The following LPIN1 variants were observed in gnomAD, a reference collection of about 807,000 sequenced individuals.
The protein encoded by LPIN1 is phosphatidate phosphatase LPIN1.
LPIN1 carries 71 observed loss-of-function variants against 107.5 expected under a neutral mutation model. The observed-to-expected ratio is 0.66, with a 90% CI of 0.55 to 0.80. LPIN1 has a LOEUF of 0.80. LPIN1 is among the 30% of genes least tolerant of loss of function. The pLI is 0.00. For missense variants in LPIN1, 1,043 were observed against 1,160.6 expected, an observed-to-expected ratio of 0.90 and a Z score of 1.47; for synonymous variants, 445 against 452.6, an observed-to-expected ratio of 0.98 and a Z score of 0.21.
chr2:11,713,089 T>C (rs566260166), intron 1 of LPIN1, among the ~76,000 whole-genome samples: 1 of 152,354 alleles, frequency 6.6e-6, no homozygotes, highest in East Asian at 1.9e-4. Context: ...AGTCATGTCT[T>C]CTGCCTTCCA....
chr2:11,719,070 CTAAT>C (rs1420598301), intron 2 of LPIN1, among the ~76,000 whole-genome samples: 1 of 152,004 alleles, frequency 6.6e-6, no homozygotes, highest in Admixed American at 6.5e-5. Context: ...TTTTTGTTCT[CTAAT>C]TATTTCTTCT....
chr2:11,821,854 G>A (rs1453640684), intron 20 of LPIN1, among the ~76,000 whole-genome samples: 1 of 152,200 alleles, frequency 6.6e-6, no homozygotes, highest in Admixed American at 6.5e-5. Flanking sequence ...AGGGGAGGCT[G>A]GAGCCAAGGC....
At chr2:11,686,364 TG>T (rs1197131042) in intron 1 of LPIN1, among the ~76,000 whole-genome samples, 1 of 152,092 alleles carries the variant, frequency 6.6e-6, no homozygotes, top group Non-Finnish European at 1.5e-5. Context: ...AACCAGAAAG[TG>T]GGTGGGCCCA....
intron 1 of LPIN1, among the ~76,000 whole-genome samples, chr2:11,739,646 G>A (rs997286296): frequency 6.6e-6 from 1 of 152,148 alleles, no homozygotes; most frequent in African/African-American, 2.4e-5. Flanking sequence ...TCAGAACAAA[G>A]CACAACACTG....
chr2:11,696,434 A>G (rs968124162), intron 1 of LPIN1, among the ~76,000 whole-genome samples: 1 of 152,106 alleles, frequency 6.6e-6, no homozygotes, highest in Non-Finnish European at 1.5e-5. Context: ...GATATGATGT[A>G]TATATATTCA....
intron 1 of LPIN1, among the ~76,000 whole-genome samples, chr2:11,689,670 G>T (rs886969541): frequency 6.6e-6 from 1 of 152,204 alleles, no homozygotes; most frequent in African/African-American, 2.4e-5. Context: ...ACTTTGGGCC[G>T]AGGCAGGCAG....
intron 1 of LPIN1, among the ~76,000 whole-genome samples, chr2:11,680,530 C>T (rs1661658349): frequency 6.6e-6 from 1 of 151,964 alleles, no homozygotes; most frequent in Non-Finnish European, 1.5e-5. Context: ...CCACAGAGTT[C>T]ACAGGGCACA....
intron 1 of LPIN1, among the ~76,000 whole-genome samples, chr2:11,693,781 T>A (rs1421003082): frequency 2.6e-5 from 3 of 116,430 alleles, no homozygotes; most frequent in Non-Finnish European, 5.2e-5. Flanking sequence ...TGTGTGTGTG[T>A]GAGTGTGTAT....
chr2:11,742,475 A>C (rs1666471123), upstream of LPIN1, among the ~76,000 whole-genome samples: 1 of 152,142 alleles, frequency 6.6e-6, no homozygotes, highest in Non-Finnish European at 1.5e-5. Context: ...TGACAGCCCC[A>C]CACTTGTTTA....
chr2:11,695,460 T>C (rs1572332692), intron 1 of LPIN1, among the ~76,000 whole-genome samples: 1 of 151,378 alleles, frequency 6.6e-6, no homozygotes, highest in African/African-American at 2.4e-5. Flanking sequence ...GGCCCTAAGG[T>C]GGAGTATTTG....
At chr2:11,689,718 A>G (rs994799486) in intron 1 of LPIN1, among the ~76,000 whole-genome samples, 2 of 152,338 alleles carry the variant, frequency 1.3e-5, no homozygotes, top group African/African-American at 4.8e-5. Flanking sequence ...AGCCTGGCCA[A>G]CATGGCGAAA....
intron 11 of LPIN1, 43 bp from the exon 12 acceptor site, chr2:11,788,344 T>G: frequency 6.7e-7 from 1 of 1,493,046 alleles, no homozygotes; most frequent in Non-Finnish European, 9.3e-7. Context: ...GTTTTCAGTC[T>G]GAGCCTCGGT....
intron 20 of LPIN1, among the ~76,000 whole-genome samples, chr2:11,823,328 G>A (rs1431149345): frequency 6.6e-6 from 1 of 152,166 alleles, no homozygotes; most frequent in African/African-American, 2.4e-5. Context: ...TGCAGGGAGG[G>A]GCCCTGCTGC....
At chr2:11,728,717 CTCTTTTT>C (rs1664906320) in intron 1 of LPIN1, among the ~76,000 whole-genome samples, 1 of 151,714 alleles carries the variant, frequency 6.6e-6, no homozygotes, top group African/African-American at 2.4e-5. Flanking sequence ...TGTTTTTTTT[CTCTTTTT>C]TTCCCTTCAC....
intron 1 of LPIN1, among the ~76,000 whole-genome samples, chr2:11,762,147 G>A (rs1440136878): frequency 3.3e-5 from 5 of 152,016 alleles, no homozygotes; most frequent in African/African-American, 1.2e-4. Context: ...ACGGAACTCA[G>A]GGAAACAGTT....
chr2:11,744,546 G>A (rs1159361469), upstream of LPIN1, among the ~76,000 whole-genome samples: 4 of 152,222 alleles, frequency 2.6e-5, no homozygotes, highest in Non-Finnish European at 5.9e-5. Context: ...GACCCTAGCC[G>A]TGCTGGGCCC....
At chr2:11,785,838 C>T (rs1674474559) in intron 10 of LPIN1, among the ~76,000 whole-genome samples, 1 of 152,166 alleles carries the variant, frequency 6.6e-6, no homozygotes, top group Non-Finnish European at 1.5e-5. Context: ...TTTTTTCTTC[C>T]GCAAAGATTG....
chr2:11,788,651 T>A (rs1158410359), intron 12 of LPIN1, among the ~76,000 whole-genome samples, 195 bp downstream of exon 12: 1 of 152,214 alleles, frequency 6.6e-6, no homozygotes, highest in Non-Finnish European at 1.5e-5. Context: ...CTCTTCCTTA[T>A]CAAGGCAAAA....
intron 1 of LPIN1, among the ~76,000 whole-genome samples, chr2:11,731,665 G>A (rs1025619123): frequency 1.3e-5 from 2 of 152,186 alleles, no homozygotes; most frequent in African/African-American, 4.8e-5. Flanking sequence ...CTTTCACAAT[G>A]GTTGAACTAG....
Sources: allele counts gnomAD v4.1 joint callset (sites outside exome capture counted in the v4.1 genomes callset), GRCh38; gene constraint gnomAD v4.1.1; transcripts MANE v1.5; gene names NCBI Gene and HGNC (gene_info 2026-07-23, HGNC 2026-07-21).